The following NEBL variants were observed in gnomAD, a reference collection of about 807,000 sequenced individuals.
NEBL encodes the protein LIM and SH3 protein 2.
In NEBL, 122 loss-of-function variants were observed where a neutral mutation model predicts 140.2. The observed-to-expected ratio is 0.87, with a 90% CI of 0.75 to 1.01. The LOEUF (loss-of-function observed/expected upper bound fraction) is 1.01. Among genes scored for constraint, NEBL ranks in the 50% least tolerant of loss-of-function variants. The pLI is 0.00. For synonymous variants in NEBL, 436 were observed against 398.9 expected (o/e 1.09, Z -1.11); for missense variants, 1,365 against 1,231.3 (o/e 1.11, Z -1.62).
intron 3 of NEBL, among the ~76,000 whole-genome samples, chr10:20,998,572 G>A (rs1193349782): frequency 1.3e-5 from 2 of 152,068 alleles, no homozygotes; most frequent in African/African-American, 4.8e-5. Flanking sequence ...GAAGGCAGGG[G>A]AAATGGTAGA....
chr10:21,007,083 A>C (rs1477405488), intron 3 of NEBL, among the ~76,000 whole-genome samples: 1 of 152,160 alleles, frequency 6.6e-6, no homozygotes, highest in Non-Finnish European at 1.5e-5. Context: ...TCAGTGGAGA[A>C]TGAGAGGAGA....
At chr10:21,201,832 T>A (rs1392463335) in intron 3 of NEBL, among the ~76,000 whole-genome samples, 1 of 152,200 alleles carries the variant, frequency 6.6e-6, no homozygotes, top group Non-Finnish European at 1.5e-5. Flanking sequence ...AAAAGTTTCT[T>A]TCAGCTTCAC....
At chr10:21,268,524 A>T (rs1842825145) in intron 1 of NEBL, among the ~76,000 whole-genome samples, 1 of 145,656 alleles carries the variant, frequency 6.9e-6, no homozygotes, top group South Asian at 2.2e-4. Context: ...TTTTAATTTA[A>T]TTTTTTTTTT....
At chr10:20,991,411 C>T (rs146708590) in intron 3 of NEBL, among the ~76,000 whole-genome samples, 79 of 152,162 alleles carry the variant, frequency 5.2e-4, no homozygotes, top group African/African-American at 1.9e-3. Context: ...CATTTATTAT[C>T]ATAAATTTTG....
chr10:21,253,797 GTCTCCCAAAGTAC>G (rs2132274633), intron 1 of NEBL, among the ~76,000 whole-genome samples: 2 of 152,060 alleles, frequency 1.3e-5, no homozygotes, highest in African/African-American at 4.8e-5. Context: ...GTCCACCTTG[GTCTCCCAAAGTAC>G]TGGGATTACA....
At chr10:20,924,493 G>A (rs1433168146) in intron 4 of NEBL, among the ~76,000 whole-genome samples, 1 of 135,790 alleles carries the variant, frequency 7.4e-6, no homozygotes, top group Non-Finnish European at 1.5e-5. Flanking sequence ...CTCCTCGGAA[G>A]AGAAAGTGCA....
At chr10:20,841,660 T>A (rs774117762) in intron 12 of NEBL, 6 of 152,036 alleles carry the variant, frequency 3.9e-5, no homozygotes, top group Non-Finnish European at 7.4e-5. Context: ...GACTCCTAGG[T>A]TGCAAATGAC....
chr10:20,948,016 G>GAA (rs1835265219), intron 4 of NEBL, among the ~76,000 whole-genome samples: 1 of 152,210 alleles, frequency 6.6e-6, no homozygotes, highest in Admixed American at 6.5e-5. Context: ...AATGTTTTAA[G>GAA]AAAGTTGATG....
chr10:21,203,036 A>G lies in NEBL; in HGVS notation n.349-30559T>C, dbSNP rs551645479. On this transcript the variant is annotated intron_variant and non_coding_transcript_variant, in intron 3 of 8. Transcript: ENST00000675702. ...TTAAAGCATATTTGCATAGTCATTTAGGAAACTTAATGCTGCAAGATGGGG... is the reference window on the plus strand; with the variant it reads ...TTAAAGCATATTTGCATAGTCATTTGGGAAACTTAATGCTGCAAGATGGGG... Among the ~76,000 whole-genome samples the G allele has an allele frequency of 2.0e-5, 3 of 152,376 alleles. No individual in the cohort carries two copies. In the East Asian group the frequency reaches 5.8e-4, roughly 29 times the overall value.
intron 3 of NEBL, among the ~76,000 whole-genome samples, chr10:21,239,781 T>C (rs762366382): frequency 1.3e-4 from 20 of 151,512 alleles, no homozygotes; most frequent in East Asian, 5.9e-4. Context: ...ACTTTGGAGG[T>C]TGAGGTGGGC....
At chr10:21,028,519 G>A (rs563364764) in intron 2 of NEBL, among the ~76,000 whole-genome samples, 2 of 152,136 alleles carry the variant, frequency 1.3e-5, no homozygotes, top group African/African-American at 2.4e-5. Flanking sequence ...CTACTATATA[G>A]GATTTTTTTA....
intron 26 of NEBL, among the ~76,000 whole-genome samples, chr10:20,807,023 C>T (rs58156548): frequency 5.3e-5 from 8 of 152,282 alleles, no homozygotes; most frequent in Admixed American, 2.0e-4. Context: ...AGTGACCCCA[C>T]GTCCAAAAAA....
chr10:20,902,143 C>T (rs890592187), upstream of NEBL, among the ~76,000 whole-genome samples: 31 of 152,238 alleles, frequency 2.0e-4, no homozygotes, highest in African/African-American at 7.2e-4. Flanking sequence ...GTGGCTCACG[C>T]TTGTAATCCC....
chr10:21,281,125 C>T (rs1842986681), intron 1 of NEBL, among the ~76,000 whole-genome samples: 1 of 152,170 alleles, frequency 6.6e-6, no homozygotes, highest in Non-Finnish European at 1.5e-5. Flanking sequence ...GACAAAATGC[C>T]TGGGATTCAC....
intron 2 of NEBL, among the ~76,000 whole-genome samples, chr10:21,037,129 A>G (rs918278196): frequency 6.6e-6 from 1 of 152,122 alleles, no homozygotes; most frequent in Non-Finnish European, 1.5e-5. Context: ...ATTGCAACTG[A>G]AACCCATTCT....
At chr10:20,863,393 C>T (rs972779966) in intron 7 of NEBL, among the ~76,000 whole-genome samples, 1 of 152,068 alleles carries the variant, frequency 6.6e-6, no homozygotes, top group Non-Finnish European at 1.5e-5. Context: ...GATAAGTGTA[C>T]CTTAATTATC....
intron 2 of NEBL, chr10:21,113,538 C>CTTATA (rs1838145723): frequency 4.9e-6 from 1 of 205,692 alleles, no homozygotes; most frequent in South Asian, 7.9e-5. Flanking sequence ...AATTTTCCAT[C>CTTATA]TTATTTCGTT....
At chr10:20,837,373 C>T (rs533507807) in intron 13 of NEBL, among the ~76,000 whole-genome samples, 1 of 152,082 alleles carries the variant, frequency 6.6e-6, no homozygotes, top group Admixed American at 6.5e-5. Context: ...CACAACATCC[C>T]CTTAAACCAA....
intron 3 of NEBL, among the ~76,000 whole-genome samples, chr10:21,220,444 C>T (rs1046258774): frequency 2.0e-5 from 3 of 152,168 alleles, no homozygotes; most frequent in Admixed American, 1.3e-4. Context: ...TAGATATCCA[C>T]ATGCAGAAGA....
Sources: allele counts gnomAD v4.1 joint callset (sites outside exome capture counted in the v4.1 genomes callset), GRCh38; gene constraint gnomAD v4.1.1; transcripts MANE v1.5; gene names NCBI Gene and HGNC (gene_info 2026-07-23, HGNC 2026-07-21).